SAMD12: variants seen among roughly 807,000 people sequenced by gnomAD.
SAMD12 encodes the protein sterile alpha motif domain containing 12.
A neutral mutation model predicts 15.0 loss-of-function variants in SAMD12; 9 were observed. That is an observed-to-expected ratio of 0.60 (90% CI 0.36 to 1.05). The LOEUF is 1.05. Among genes scored for constraint, SAMD12 ranks in the 50% least tolerant of loss-of-function variants. SAMD12 has a pLI of 0.01. For missense variants in SAMD12, 230 were observed against 234.2 expected, an observed-to-expected ratio of 0.98 and a Z score of 0.12; for synonymous variants, 86 against 90.1, an observed-to-expected ratio of 0.96 and a Z score of 0.25.
At chr8:118,502,915 A>G (rs1439133288) in intron 2 of SAMD12, among the ~76,000 whole-genome samples, 3 of 152,200 alleles carry the variant, frequency 2.0e-5, no homozygotes, top group Non-Finnish European at 4.4e-5. Flanking sequence ...AAATTTCAGG[A>G]TAAGGATTTC....
At chr8:118,298,766 G>A (rs1814862269) in intron 4 of SAMD12, among the ~76,000 whole-genome samples, 1 of 152,056 alleles carries the variant, frequency 6.6e-6, no homozygotes, top group South Asian at 2.1e-4. Flanking sequence ...AAGCATAAAT[G>A]TACAATAGAG....
At chr8:118,197,266 T>A (rs1819592741) in exon 5 of SAMD12, 1 of 194,134 alleles carries the variant, frequency 5.2e-6, no homozygotes, top group Admixed American at 5.3e-5. Flanking sequence ...CAGGGCATAA[T>A]ATTGTGAACA....
intron 3 of SAMD12, among the ~76,000 whole-genome samples, chr8:118,428,088 T>C (rs775800530): frequency 6.6e-6 from 1 of 152,252 alleles, no homozygotes; most frequent in Non-Finnish European, 1.5e-5. Flanking sequence ...TTGTGACGTA[T>C]CATTTCAAAT....
chr8:118,435,600 GTC>G (rs933521504), intron 3 of SAMD12, among the ~76,000 whole-genome samples: 1 of 152,180 alleles, frequency 6.6e-6, no homozygotes, highest in Non-Finnish European at 1.5e-5. Context: ...GTTAAAACAT[GTC>G]TAAAGTTTTC....
At chr8:118,325,709 C>T (rs911066951) in intron 4 of SAMD12, among the ~76,000 whole-genome samples, 3 of 152,172 alleles carry the variant, frequency 2.0e-5, no homozygotes, top group Admixed American at 6.5e-5. Context: ...CTTTGACCAA[C>T]ATCTCCTCAC....
At chr8:118,334,596 C>A (rs1444544832) in intron 4 of SAMD12, among the ~76,000 whole-genome samples, 1 of 152,058 alleles carries the variant, frequency 6.6e-6, no homozygotes, top group East Asian at 1.9e-4. Context: ...TTGGAATCGG[C>A]CTTTCTCTTT....
At chr8:118,448,861 T>C (rs1020180211) in intron 2 of SAMD12, among the ~76,000 whole-genome samples, 2 of 152,208 alleles carry the variant, frequency 1.3e-5, no homozygotes, top group Non-Finnish European at 2.9e-5. Flanking sequence ...ATTTCTAAAT[T>C]CACTGCAAAT....
At chr8:118,591,580 A>G (rs1025785678) in intron 1 of SAMD12, among the ~76,000 whole-genome samples, 8 of 152,224 alleles carry the variant, frequency 5.3e-5, no homozygotes, top group Non-Finnish European at 1.2e-4. Context: ...TAAACAAAAT[A>G]GTACCATGCA....
At chr8:118,434,761 T>C (rs1822523203) in intron 3 of SAMD12, among the ~76,000 whole-genome samples, 1 of 152,218 alleles carries the variant, frequency 6.6e-6, no homozygotes. Context: ...TTTCAGTCTA[T>C]ATATCCTAAT....
At chr8:118,366,881 T>TAAAATAAAATAA (rs1372250393) in intron 4 of SAMD12, among the ~76,000 whole-genome samples, 6 of 52,362 alleles carry the variant, frequency 1.1e-4, no homozygotes, top group East Asian at 4.2e-4. Context: ...TAAAATAAAA[T>TAAAATAAAATAA]AATAAAATAA....
intron 2 of SAMD12, among the ~76,000 whole-genome samples, chr8:118,468,582 C>T (rs924690524): frequency 6.6e-6 from 1 of 151,976 alleles, no homozygotes; most frequent in Non-Finnish European, 1.5e-5. Flanking sequence ...ACCTGATTGT[C>T]CCTTTCACTC....
chr8:118,324,399 C>G (rs1417986489), intron 4 of SAMD12, among the ~76,000 whole-genome samples: 1 of 152,138 alleles, frequency 6.6e-6, no homozygotes, highest in African/African-American at 2.4e-5. Flanking sequence ...TATTTAACAG[C>G]TATCTTGTGG....
At chr8:118,566,042 G>A (rs1181640800) in intron 2 of SAMD12, among the ~76,000 whole-genome samples, 1 of 152,190 alleles carries the variant, frequency 6.6e-6, no homozygotes, top group East Asian at 1.9e-4. Context: ...TCTCTGCGGA[G>A]CAGCTAGAGT....
In SAMD12 at chr8:118,535,372, C is replaced by T. The variant is rs574891949; in HGVS notation, c.192+45343G>A. On this transcript the variant is annotated intron_variant, in intron 2 of 3. Transcript: ENST00000314727. ...AGTCTGCCCCTACTGGAAGATGCCT[C>T]CCAGTTAGGCTACTCAGGGGTCAGG... 3.3e-5 allele frequency among the ~76,000 whole-genome samples: 5 copies of T among 152,326 alleles called. No individual in the cohort carries two copies. The South Asian group carries it at 1.0e-3, about 32-fold the overall frequency.
At chr8:118,511,110 A>G (rs1360518288) in intron 2 of SAMD12, among the ~76,000 whole-genome samples, 1 of 152,202 alleles carries the variant, frequency 6.6e-6, no homozygotes, top group Non-Finnish European at 1.5e-5. Context: ...AGAAAATTGA[A>G]CTGTTTAAAA....
In SAMD12 at chr8:118,619,161, A is replaced by C. The variant is rs533527907; in HGVS notation, c.13+2643T>G. ...CTACATATCCCAAATGTGTCCAGGG[A>C]CAATGTCACCCAGCAGTAGAGGTAA... is the stretch of plus-strand genomic sequence containing the variant. On this transcript the variant is annotated intron_variant, in intron 1 of 3. Coordinates refer to ENST00000314727, the MANE Select transcript of SAMD12 (RefSeq NM_207506.3). Among the ~76,000 whole-genome samples the C allele has an allele frequency of 1.3e-3, 200 of 152,242 alleles. 1 individual carries two copies. The highest frequency in any genetic ancestry group is 3.6e-3 in the African/African-American group (151 of 41,528).
intron 4 of SAMD12, among the ~76,000 whole-genome samples, chr8:118,322,140 C>G (rs959496346): frequency 8.6e-5 from 13 of 151,454 alleles, no homozygotes; most frequent in African/African-American, 2.7e-4. Flanking sequence ...TTACTCTTTC[C>G]TCTACCCTTT....
intron 2 of SAMD12, among the ~76,000 whole-genome samples, chr8:118,577,242 T>C (rs904329894): frequency 1.3e-5 from 2 of 152,134 alleles, no homozygotes; most frequent in Admixed American, 1.3e-4. Flanking sequence ...ACCTTTTTCT[T>C]CTGGAATAAG....
intron 1 of SAMD12, among the ~76,000 whole-genome samples, chr8:118,593,428 T>C (rs1177550502): frequency 1.3e-5 from 2 of 152,206 alleles, no homozygotes; most frequent in African/African-American, 4.8e-5. Flanking sequence ...AACAGCTCAA[T>C]ACTTCTGAAT....
Sources: gnomAD v4.1 joint callset for allele counts (sites outside exome capture counted in the v4.1 genomes callset) on GRCh38, gnomAD v4.1.1 for gene constraint, MANE v1.5 for transcripts, NCBI Gene and HGNC (gene_info 2026-07-23, HGNC 2026-07-21) for gene names.